GPC5: variants seen among roughly 807,000 people sequenced by gnomAD.
The protein encoded by GPC5 is glypican-5.
A neutral mutation model predicts 53.9 loss-of-function variants in GPC5; 47 were observed. The ratio of observed to expected loss-of-function variants is 0.87; its 90% confidence interval spans 0.69 to 1.11. The LOEUF is 1.11. Among genes scored for constraint, GPC5 ranks in the 50% most tolerant of loss-of-function variants. The pLI, the probability that GPC5 is intolerant of heterozygous loss-of-function variation, is 0.00. For missense variants in GPC5, 748 were observed against 713.1 expected (o/e 1.05, Z -0.56); for synonymous variants, 286 against 263.3 (o/e 1.09, Z -0.84).
intron 2 of GPC5, among the ~76,000 whole-genome samples, chr13:91,588,083 G>A (rs1391420150): frequency 6.6e-6 from 1 of 152,072 alleles, no homozygotes; most frequent in East Asian, 1.9e-4. Context: ...TATTTGAAAG[G>A]CTAAATTGAG....
chr13:92,251,844 T>C (rs1246687732), intron 7 of GPC5, among the ~76,000 whole-genome samples: 1 of 152,152 alleles, frequency 6.6e-6, no homozygotes, highest in African/African-American at 2.4e-5. Flanking sequence ...TTATTCTGGC[T>C]CATTTTTAAA....
chr13:92,618,092 A>T (rs768372062), intron 7 of GPC5, among the ~76,000 whole-genome samples: 1 of 152,186 alleles, frequency 6.6e-6, no homozygotes, highest in African/African-American at 2.4e-5. Flanking sequence ...CACCAGTGAA[A>T]CTAAGAACAG....
intron 1 of GPC5, among the ~76,000 whole-genome samples, chr13:91,424,127 G>A (rs1212975829): frequency 2.0e-5 from 3 of 152,092 alleles, no homozygotes; most frequent in Non-Finnish European, 4.4e-5. Flanking sequence ...ATTTCTGGAG[G>A]TAATCAGGAA....
chr13:91,873,465 C>T (rs998241225), intron 5 of GPC5, among the ~76,000 whole-genome samples: 19 of 152,040 alleles, frequency 1.2e-4, no homozygotes, highest in Admixed American at 6.6e-4. Context: ...ATCATGGGGG[C>T]GGGCCTTTCC....
chr13:92,820,632 A>G (rs1253771941), intron 7 of GPC5, among the ~76,000 whole-genome samples: 1 of 152,096 alleles, frequency 6.6e-6, no homozygotes, highest in African/African-American at 2.4e-5. Context: ...CCCACTTCAA[A>G]CTTGATATTA....
chr13:92,246,958 T>C (rs775920589), intron 7 of GPC5, among the ~76,000 whole-genome samples: 1 of 152,142 alleles, frequency 6.6e-6, no homozygotes, highest in Non-Finnish European at 1.5e-5. Flanking sequence ...TCTTGTGTAG[T>C]AGAAATATTT....
intron 7 of GPC5, among the ~76,000 whole-genome samples, chr13:92,193,717 A>G (rs1346318769): frequency 2.6e-5 from 4 of 152,212 alleles, no homozygotes; most frequent in African/African-American, 7.2e-5. Flanking sequence ...AAGTGGCTAC[A>G]CCCATTCGGC....
chr13:92,366,696 G>A (rs71427565), intron 7 of GPC5, among the ~76,000 whole-genome samples: 12,546 of 152,202 alleles, frequency 0.082, 664 homozygotes, highest in Middle Eastern at 0.15. Context: ...ATTTGTCAGA[G>A]AAAAAGATAG....
intron 1 of GPC5, among the ~76,000 whole-genome samples, chr13:91,427,991 T>C (rs1158460209): frequency 6.6e-6 from 1 of 152,194 alleles, no homozygotes; most frequent in Non-Finnish European, 1.5e-5. Context: ...TGATTGTAAG[T>C]TTCCTGAGGC....
At chr13:91,686,211 G>A (rs1245984043) in intron 2 of GPC5, among the ~76,000 whole-genome samples, 3 of 151,958 alleles carry the variant, frequency 2.0e-5, no homozygotes, top group Non-Finnish European at 4.4e-5. Context: ...AAATCAAGTT[G>A]ATTTTCAAAC....
intron 7 of GPC5, among the ~76,000 whole-genome samples, chr13:92,282,057 C>G (rs1484007744): frequency 6.6e-6 from 1 of 152,138 alleles, no homozygotes; most frequent in African/African-American, 2.4e-5. Flanking sequence ...CTTAAATGAC[C>G]TGATGGAGCT....
At chr13:92,702,024 C>T (rs1248614967) in intron 7 of GPC5, among the ~76,000 whole-genome samples, 1 of 151,970 alleles carries the variant, frequency 6.6e-6, no homozygotes, top group Non-Finnish European at 1.5e-5. Flanking sequence ...CTTTTCTCCC[C>T]TGTTATAGGA....
intron 7 of GPC5, among the ~76,000 whole-genome samples, chr13:92,572,315 T>G (rs1883052467): frequency 6.6e-6 from 1 of 152,182 alleles, no homozygotes; most frequent in Non-Finnish European, 1.5e-5. Context: ...CAAATGACCT[T>G]CTTTGTCAGG....
chr13:91,952,858 G>A (rs2040040402), intron 6 of GPC5, among the ~76,000 whole-genome samples: 1 of 152,034 alleles, frequency 6.6e-6, no homozygotes, highest in South Asian at 2.1e-4. Flanking sequence ...TCTTTCCTTT[G>A]GGAAATGGAG....
At chr13:92,568,866 C>T (rs1373421048) in intron 7 of GPC5, among the ~76,000 whole-genome samples, 1 of 152,096 alleles carries the variant, frequency 6.6e-6, no homozygotes, top group Admixed American at 6.6e-5. Flanking sequence ...TATGTACTGT[C>T]TCTGCTCTCC....
In GPC5 at chr13:92,453,347, A is replaced by C. The variant is rs114104042; in HGVS notation, c.1561+308358A>C. On this transcript the variant is annotated intron_variant, in intron 7 of 7. Transcript: ENST00000377067. ...TAATCTTGATGTTTATGGAGTTTTT[A>C]ATCCAAATCAGCATGTAGGGTACTT... Among the ~76,000 whole-genome samples, 1,365 of 152,260 alleles carry C rather than the reference A, an allele frequency of 9.0e-3. 25 individuals are homozygous for C. The highest frequency in any genetic ancestry group is 0.031 in the African/African-American group (1,286 of 41,558).
At chr13:91,900,774 A>AT (rs1365900984) in intron 5 of GPC5, among the ~76,000 whole-genome samples, 3 of 151,736 alleles carry the variant, frequency 2.0e-5, no homozygotes, top group African/African-American at 4.8e-5. Context: ...TAGGTAGGTA[A>AT]TTTTTTTTGA....
At chr13:92,838,054 G>C (rs373098698) in intron 7 of GPC5, among the ~76,000 whole-genome samples, 4 of 151,520 alleles carry the variant, frequency 2.6e-5, no homozygotes, top group African/African-American at 9.7e-5. Context: ...CTCCAGCCTG[G>C]GCAACAAGAG....
intron 7 of GPC5, among the ~76,000 whole-genome samples, chr13:92,648,943 A>G (rs938000599): frequency 3.9e-5 from 6 of 152,120 alleles, no homozygotes; most frequent in Non-Finnish European, 8.8e-5. Context: ...TTCATCAGGC[A>G]AGAGGATATA....
Sources: allele counts gnomAD v4.1 joint callset (sites outside exome capture counted in the v4.1 genomes callset), GRCh38; gene constraint gnomAD v4.1.1; transcripts MANE v1.5; gene names NCBI Gene and HGNC (gene_info 2026-07-23, HGNC 2026-07-21).